Variants in EYS observed in about 807,000 individuals in gnomAD.
EYS encodes protein eyes shut homolog.
EYS carries 250 observed loss-of-function variants against 282.1 expected under a neutral mutation model. The ratio of observed to expected loss-of-function variants is 0.89; its 90% CI spans 0.80 to 0.98. The LOEUF (loss-of-function observed/expected upper bound fraction) is 0.98, where lower values mean the gene tolerates loss of function less well. Among genes scored for constraint, EYS ranks in the 50% least tolerant of loss-of-function variants. The probability of loss-of-function intolerance (pLI) is 0.00; values close to 1 mark genes in which losing one functional copy is unlikely to be tolerated. For synonymous variants in EYS, 1,355 were observed against 1,282.9 expected (o/e 1.06, Z -1.20); for missense variants, 4,016 against 3,709.0 (o/e 1.08, Z -2.15).
At chr6:65,314,137 G>A (rs898650714) in intron 11 of EYS, among the ~76,000 whole-genome samples, 2 of 62,516 alleles carry the variant, frequency 3.2e-5, no homozygotes, top group African/African-American at 5.8e-5. Flanking sequence ...GTATGTGCAT[G>A]TGTGTGTGTA....
chr6:65,411,382 A>G (rs1767005668), intron 5 of EYS, among the ~76,000 whole-genome samples: 1 of 152,106 alleles, frequency 6.6e-6, no homozygotes, highest in African/African-American at 2.4e-5. Flanking sequence ...TTCACATTTC[A>G]TTTTGAAATA....
At chr6:65,056,126 C>A (rs1481678446) in intron 13 of EYS, among the ~76,000 whole-genome samples, 2 of 151,942 alleles carry the variant, frequency 1.3e-5, no homozygotes, top group African/African-American at 4.8e-5. Context: ...ATTTTGGGTA[C>A]CAGCCAATAT....
At chr6:64,247,371 C>T (rs1767054271) in intron 30 of EYS, among the ~76,000 whole-genome samples, 1 of 152,152 alleles carries the variant, frequency 6.6e-6, no homozygotes, top group Non-Finnish European at 1.5e-5. Flanking sequence ...TCCTGAAGCT[C>T]ATAGGAGTCT....
At chr6:65,285,366 T>C (rs1370531320) in intron 12 of EYS, among the ~76,000 whole-genome samples, 1 of 151,972 alleles carries the variant, frequency 6.6e-6, no homozygotes, top group Non-Finnish European at 1.5e-5. Context: ...CTTTACATTG[T>C]AGCAAAAATA....
chr6:64,417,487 T>G (rs1398702343), intron 28 of EYS, among the ~76,000 whole-genome samples: 1 of 152,162 alleles, frequency 6.6e-6, no homozygotes, highest in Admixed American at 6.6e-5. Context: ...TTTAGATACA[T>G]ATTGTTGGTG....
chr6:65,128,105 T>G (rs1775771526), intron 12 of EYS, among the ~76,000 whole-genome samples: 1 of 152,000 alleles, frequency 6.6e-6, no homozygotes, highest in Admixed American at 6.6e-5. Flanking sequence ...GATGAATAAA[T>G]ATTTATCTTA....
intron 36 of EYS, among the ~76,000 whole-genome samples, chr6:63,839,689 C>T (rs1359162680): frequency 2.0e-5 from 3 of 152,054 alleles, no homozygotes; most frequent in African/African-American, 4.8e-5. Flanking sequence ...ACGAGAAGTG[C>T]AGAACATCCC....
At chr6:65,048,170 G>A (rs73765736) in intron 13 of EYS, among the ~76,000 whole-genome samples, 2 of 151,722 alleles carry the variant, frequency 1.3e-5, no homozygotes, top group Admixed American at 6.6e-5. Flanking sequence ...TTTGTCTCAC[G>A]TTCCCCCTAT....
chr6:65,041,392 T>A (rs540485854), intron 13 of EYS, among the ~76,000 whole-genome samples: 1 of 151,746 alleles, frequency 6.6e-6, no homozygotes, highest in African/African-American at 2.4e-5. Flanking sequence ...AATATATTTA[T>A]CTACCTGAGG....
intron 29 of EYS, among the ~76,000 whole-genome samples, chr6:64,329,023 AC>A (rs1561932780): frequency 2.6e-5 from 4 of 152,182 alleles, no homozygotes; most frequent in African/African-American, 9.7e-5. Context: ...CAGAAATCAG[AC>A]ATGGATTTAA....
At chr6:65,442,256 T>C (rs961760439) in intron 5 of EYS, among the ~76,000 whole-genome samples, 1 of 152,034 alleles carries the variant, frequency 6.6e-6, no homozygotes, top group African/African-American at 2.4e-5. Context: ...AATATCTATA[T>C]CTTATAGTCA....
chr6:65,505,707 ATCTT>A (rs1766629980), intron 2 of EYS, among the ~76,000 whole-genome samples: 1 of 152,086 alleles, frequency 6.6e-6, no homozygotes, highest in South Asian at 2.1e-4. Context: ...TTCTTCAACT[ATCTT>A]TCTTTTACTG....
At chr6:64,778,853 G>A (rs1299739046) in intron 22 of EYS, among the ~76,000 whole-genome samples, 3 of 151,956 alleles carry the variant, frequency 2.0e-5, no homozygotes, top group Non-Finnish European at 4.4e-5. Context: ...GATCCCAATA[G>A]ATGCTTCACC....
At chr6:64,662,423 C>T (rs1010878696) in intron 22 of EYS, among the ~76,000 whole-genome samples, 8 of 152,010 alleles carry the variant, frequency 5.3e-5, no homozygotes, top group Non-Finnish European at 1.0e-4. Context: ...ATTTAGTTTG[C>T]TTATAGACTT....
In EYS at chr6:64,339,990, AC is replaced by A. The variant is rs370198824; in HGVS notation, c.6079-32909del. Among the ~76,000 whole-genome samples the A allele has an allele frequency of 2.5e-3, 384 of 151,812 alleles. 3 individuals carry two copies. The highest frequency in any genetic ancestry group is 8.6e-3 in the African/African-American group (358 of 41,494). On this transcript the variant is annotated intron_variant, in intron 29 of 42. Transcript: ENST00000503581. ...TAGGTCCACCAAAATCTCACAAATC[AC>A]CACTAAAGAACTTACTCATCTCATC...
intron 5 of EYS, among the ~76,000 whole-genome samples, chr6:65,411,276 C>T (rs1450573161): frequency 6.6e-6 from 1 of 152,040 alleles, no homozygotes; most frequent in Admixed American, 6.6e-5. Context: ...AAACAAAATT[C>T]TCCCAATGTA....
At chr6:64,562,772 T>C (rs569679743) in intron 26 of EYS, among the ~76,000 whole-genome samples, 6 of 152,042 alleles carry the variant, frequency 3.9e-5, no homozygotes, top group African/African-American at 9.6e-5. Flanking sequence ...GTATTAATAA[T>C]ACTGGTAACA....
chr6:65,257,682 T>G (rs1481875144), intron 12 of EYS, among the ~76,000 whole-genome samples: 1 of 151,924 alleles, frequency 6.6e-6, no homozygotes. Context: ...AGCCTTGTAG[T>G]ATAGTTTGAA....
chr6:64,609,413 G>A (rs1767037742), intron 24 of EYS, among the ~76,000 whole-genome samples: 1 of 152,122 alleles, frequency 6.6e-6, no homozygotes, highest in Non-Finnish European at 1.5e-5. Flanking sequence ...GAATATTTGA[G>A]CAACTGAAGG....
Sources: allele counts gnomAD v4.1 joint callset (sites outside exome capture counted in the v4.1 genomes callset), GRCh38; gene constraint gnomAD v4.1.1; transcripts MANE v1.5; gene names NCBI Gene and HGNC (gene_info 2026-07-23, HGNC 2026-07-21).